Variants in AJAP1 observed in about 807,000 individuals in gnomAD.
AJAP1 encodes adherens junctions associated protein 1.
Under a neutral mutation model 35.0 loss-of-function variants are expected in AJAP1, and 5 were observed. That is an observed-to-expected ratio of 0.14 (90% CI 0.07 to 0.30). AJAP1 has a LOEUF of 0.30. Ranked by LOEUF, AJAP1 falls within the 10% of genes least tolerant of loss-of-function variation. The probability of loss-of-function intolerance (pLI) is 1.00; values close to 1 mark genes in which losing one functional copy is unlikely to be tolerated. For missense variants in AJAP1, 586 were observed against 571.0 expected, an observed-to-expected ratio of 1.03 and a Z score of -0.27; for synonymous variants, 284 against 249.3, an observed-to-expected ratio of 1.14 and a Z score of -1.31.
rs70955801 is a variant in AJAP1 at position 4,747,991 on chromosome 1, CA to C, written c.830-21849del. On this transcript the variant is annotated intron_variant, in intron 2 of 5. Coordinates refer to ENST00000378191, the MANE Select transcript of AJAP1 (RefSeq NM_018836.4). ...TGGGTGACAGAGCCAGACTCTGTCT[CA>C]AAAAAAAAAAAACAAAGCAAAAAAA... is the stretch of plus-strand genomic sequence containing the variant. 4.2e-3 allele frequency among the ~76,000 whole-genome samples: 572 copies of C among 135,952 alleles called. 6 individuals are homozygous for C. Among genetic ancestry groups the C allele is most frequent in the African/African-American group, 0.014 (521 of 36,860 alleles). The allele number at this position is 135,952 out of a possible 152,430, so 89.2% of individuals were successfully genotyped here.
chr1:4,778,571 A>C (rs994822805), intron 5 of AJAP1, among the ~76,000 whole-genome samples: 33 of 142,886 alleles, frequency 2.3e-4, no homozygotes, highest in East Asian at 8.6e-4. Flanking sequence ...GATTGGCGCC[A>C]TCTCTCTCTC....
intron 2 of AJAP1, among the ~76,000 whole-genome samples, chr1:4,744,153 C>T (rs960767374): frequency 1.3e-5 from 2 of 152,178 alleles, no homozygotes; most frequent in Non-Finnish European, 2.9e-5. Context: ...AAGCCAGGCC[C>T]GAGCTGGTGC....
chr1:4,685,600 T>C (rs1639586794), intron 1 of AJAP1, among the ~76,000 whole-genome samples: 1 of 152,136 alleles, frequency 6.6e-6, no homozygotes, highest in Admixed American at 6.5e-5. Context: ...CAGCGCAGTG[T>C]CTTGTTTTCC....
intron 2 of AJAP1, among the ~76,000 whole-genome samples, chr1:4,726,426 G>A (rs537168919): frequency 1.3e-5 from 2 of 152,306 alleles, no homozygotes; most frequent in Admixed American, 6.5e-5. Flanking sequence ...CCAGTGGGGT[G>A]AGCAGAGTCT....
intron 2 of AJAP1, among the ~76,000 whole-genome samples, chr1:4,715,434 C>G (rs1640366055): frequency 6.6e-6 from 1 of 152,184 alleles, no homozygotes; most frequent in African/African-American, 2.4e-5. Context: ...GCCTATAATC[C>G]CGACATTGGG....
chr1:4,665,964 G>A (rs1481858779), intron 1 of AJAP1, among the ~76,000 whole-genome samples: 1 of 152,244 alleles, frequency 6.6e-6, no homozygotes, highest in East Asian at 1.9e-4. Context: ...CATTGGGCCC[G>A]AGGAGGAAGG....
chr1:4,746,014 A>C (rs1365779789), intron 2 of AJAP1, among the ~76,000 whole-genome samples: 3 of 152,146 alleles, frequency 2.0e-5, no homozygotes, highest in Non-Finnish European at 4.4e-5. Flanking sequence ...TGGCTGCTGT[A>C]ACCAAGTTTC....
At chr1:4,668,431 A>C (rs912572458) in intron 1 of AJAP1, among the ~76,000 whole-genome samples, 1 of 152,136 alleles carries the variant, frequency 6.6e-6, no homozygotes, top group Non-Finnish European at 1.5e-5. Flanking sequence ...CCCAAGTAAT[A>C]CATGTCTGCA....
At position 4,784,282 on chromosome 1, in the gene AJAP1, C is replaced by G. The variant is rs1178474319; in HGVS notation, c.*1797C>G. 2 of 152,238 alleles carry G rather than the reference C, an allele frequency of 1.3e-5. No individual in the cohort carries two copies. Among genetic ancestry groups the G allele is most frequent in the Non-Finnish European group, 2.9e-5 (2 of 68,056 alleles). The allele number at this position is 152,238 out of a possible 1,614,324, so 9.4% of individuals were successfully genotyped here. The stretch of plus-strand genomic sequence containing the variant: ...GGGATCTAGGGATGCATCTCATGGC[C>G]CACGCTGTGCCTCCTTAAAGGATGT... On this transcript the variant is annotated 3_prime_UTR_variant, in exon 6 of 6. Transcript: ENST00000378191.
chr1:4,753,598 G>A (rs1037878762), intron 2 of AJAP1, among the ~76,000 whole-genome samples: 1 of 152,064 alleles, frequency 6.6e-6, no homozygotes, highest in African/African-American at 2.4e-5. Flanking sequence ...TTGAGATGGA[G>A]TTTCGTTCTT....
At chr1:4,672,082 CAT>C (rs1404039378) in intron 1 of AJAP1, among the ~76,000 whole-genome samples, 1 of 152,192 alleles carries the variant, frequency 6.6e-6, no homozygotes, top group African/African-American at 2.4e-5. Flanking sequence ...GTAACACACA[CAT>C]GTAAAGTAAG....
intron 2 of AJAP1, among the ~76,000 whole-genome samples, chr1:4,717,787 G>A (rs991614654): frequency 2.0e-5 from 3 of 152,196 alleles, no homozygotes; most frequent in African/African-American, 7.2e-5. Context: ...AAACACCAGA[G>A]TTGGAGTGGA....
intron 1 of AJAP1, among the ~76,000 whole-genome samples, chr1:4,673,684 C>T (rs1639295526): frequency 6.6e-6 from 1 of 152,202 alleles, no homozygotes; most frequent in Non-Finnish European, 1.5e-5. Context: ...AGGCAGCCTT[C>T]CCAGGGCATG....
At chr1:4,776,980 G>T (rs1641953734) in intron 5 of AJAP1, among the ~76,000 whole-genome samples, 1 of 152,222 alleles carries the variant, frequency 6.6e-6, no homozygotes, top group Non-Finnish European at 1.5e-5. Context: ...TGAAGTAGCT[G>T]TGGACCAGGA....
At chr1:4,682,555 C>T (rs1639506193) in intron 1 of AJAP1, among the ~76,000 whole-genome samples, 1 of 152,216 alleles carries the variant, frequency 6.6e-6, no homozygotes. Context: ...CTGCTCTTTC[C>T]TGAGTGGTGA....
intron 2 of AJAP1, among the ~76,000 whole-genome samples, chr1:4,762,288 G>T (rs941013762): frequency 1.3e-5 from 2 of 152,196 alleles, no homozygotes; most frequent in Non-Finnish European, 2.9e-5. Context: ...ATTCCCTCAG[G>T]AATGTCCTCA....
At chr1:4,733,794 C>T (rs1640856394) in intron 2 of AJAP1, among the ~76,000 whole-genome samples, 1 of 152,144 alleles carries the variant, frequency 6.6e-6, no homozygotes, top group Non-Finnish European at 1.5e-5. Context: ...TGCTATTTCC[C>T]AGAGACCAGA....
chr1:4,762,703 TGA>T (rs1641595601), intron 2 of AJAP1, among the ~76,000 whole-genome samples: 1 of 152,214 alleles, frequency 6.6e-6, no homozygotes, highest in South Asian at 2.1e-4. Context: ...CTGAGTTCTG[TGA>T]GTCTCCCTGC....
chr1:4,761,345 A>T (rs1384057465), intron 2 of AJAP1, among the ~76,000 whole-genome samples: 1 of 152,196 alleles, frequency 6.6e-6, no homozygotes, highest in Non-Finnish European at 1.5e-5. Flanking sequence ...GCTCTCTCTG[A>T]GTCCCGTCTG....
Sources: allele counts gnomAD v4.1 joint callset (sites outside exome capture counted in the v4.1 genomes callset), GRCh38; gene constraint gnomAD v4.1.1; transcripts MANE v1.5; gene names NCBI Gene and HGNC (gene_info 2026-07-23, HGNC 2026-07-21).